FBXO8: variants seen among roughly 807,000 people sequenced by gnomAD.
FBXO8 encodes F-box protein 8.
In FBXO8, 15 loss-of-function variants were observed where a neutral mutation model predicts 33.4. That is an observed-to-expected ratio of 0.45 (90% confidence interval 0.30 to 0.69). FBXO8 has a LOEUF of 0.69. Among genes scored for constraint, FBXO8 ranks in the 30% least tolerant of loss-of-function variants. FBXO8 has a pLI of 0.08. For synonymous variants in FBXO8, 132 were observed against 131.5 expected, an observed-to-expected ratio of 1.00 and a Z score of -0.02; for missense variants, 274 against 380.3, an observed-to-expected ratio of 0.72 and a Z score of 2.32.
chr4:174,252,979 T>C lies in FBXO8; in HGVS notation c.456+6720A>G, dbSNP rs1237671868. On this transcript the variant is annotated intron_variant, in intron 3 of 5. Transcript: ENST00000393674. This position sits in a 1 kb window ranked among gnomAD's most constrained non-coding sequence, Gnocchi z 5.1. ...GAGTGAGCCTCTGTCTCAAGAAAAA[T>C]AAAAAATCTAAAAAATCTTTCTCTA... 6.6e-6 allele frequency among the ~76,000 whole-genome samples: 1 copy of C among 151,756 alleles called. No individual in the cohort carries two copies. The highest frequency in any genetic ancestry group is 1.5e-5 in the Non-Finnish European group (1 of 67,900).
Position 174,263,905 on chromosome 4 carries a change from T to C in FBXO8, c.-8-805A>G, listed in dbSNP as rs1736629134. Among the ~76,000 whole-genome samples, 1 of 152,178 alleles carries C rather than the reference T, an allele frequency of 6.6e-6. No individual in the cohort carries two copies. The highest frequency in any genetic ancestry group is 6.5e-5 in the Admixed American group (1 of 15,274). ...GCATTCTACATTTGTCTGTCACATA[T>C]ATTGACTTCCTCATGTACAAATGTA... On this transcript the variant is annotated intron_variant, in intron 1 of 5. Transcript: ENST00000393674. The surrounding 1 kb of genome is among the most constrained non-coding windows in gnomAD (Gnocchi z 4.2).
Position 174,237,654 on chromosome 4 carries a change from C to A in FBXO8, c.773-55G>T. On this transcript the variant is annotated intron_variant, in intron 5 of 5. Coordinates refer to ENST00000393674, the MANE Select transcript of FBXO8 (RefSeq NM_012180.3). This position sits in a 1 kb window ranked among gnomAD's most constrained non-coding sequence, Gnocchi z 4.4. ...TTAGTTGGTTTACAAAATATGATTCCAATGGCATTATATAAGGCAAAAATG... is the reference window on the plus strand; with the variant it reads ...TTAGTTGGTTTACAAAATATGATTCAAATGGCATTATATAAGGCAAAAATG... 1 of 1,450,018 alleles carries A rather than the reference C, an allele frequency of 6.9e-7. No homozygotes were observed. The highest frequency in any genetic ancestry group is 1.3e-5 in the South Asian group (1 of 76,358). 89.8% of individuals were successfully genotyped at this position (1,450,018 alleles called of 1,614,324 possible).
At chr4:174,250,065 C>T (rs574979143) in intron 3 of FBXO8, among the ~76,000 whole-genome samples, 1 of 152,078 alleles carries the variant, frequency 6.6e-6, no homozygotes, top group Non-Finnish European at 1.5e-5. Context: ...CATAGAGTTA[C>T]AGTTTGGTGA....
chr4:174,237,708 TCATA>T lies in FBXO8; in HGVS notation c.773-113_773-110del. The stretch of plus-strand genomic sequence containing the variant: ...ATAATTTCAAGATATCAAGATTAGC[TCATA>T]AATACAGAGTGACCAATCCATCCCA... On this transcript the variant is annotated intron_variant, in intron 5 of 5. Coordinates refer to ENST00000393674, the MANE Select transcript of FBXO8 (RefSeq NM_012180.3). The surrounding 1 kb of genome is among the most constrained non-coding windows in gnomAD (Gnocchi z 4.4). 1.0e-6 allele frequency: 1 copy of T among 952,484 alleles called. No individual in the cohort carries two copies. The highest frequency in any genetic ancestry group is 1.5e-6 in the Non-Finnish European group (1 of 649,900). The allele number at this position is 952,484 out of a possible 1,614,324, so 59.0% of individuals were successfully genotyped here.
At chr4:174,280,773 G>T (rs1471248057) in intron 1 of FBXO8, among the ~76,000 whole-genome samples, 2 of 152,140 alleles carry the variant, frequency 1.3e-5, no homozygotes, top group Non-Finnish European at 2.9e-5. Flanking sequence ...TTTATATGAG[G>T]TTTTGGTTCT....
In FBXO8 at chr4:174,241,025, G is replaced by A. The variant is rs1736023408; in HGVS notation, c.575+75C>T. The A allele has an allele frequency of 1.2e-6, 1 of 839,048 alleles. No individual in the cohort carries two copies. The highest frequency in any genetic ancestry group is 1.9e-6 in the Non-Finnish European group (1 of 531,478). 52.0% of individuals were successfully genotyped at this position (839,048 alleles called of 1,614,324 possible). A position where few individuals can be genotyped will look rare whatever the true frequency, so the allele number is the denominator to read the frequency against. ...ACCAGATGATTACTATGCAGTATTA[G>A]TTTTAAAGTAAAACTTAACTCATCA... On this transcript the variant is annotated intron_variant, in intron 4 of 5. Coordinates refer to ENST00000393674, the MANE Select transcript of FBXO8 (RefSeq NM_012180.3). The surrounding 1 kb of genome is among the most constrained non-coding windows in gnomAD (Gnocchi z 4.2).
chr4:174,243,604 C>T (rs1292587357), intron 3 of FBXO8, among the ~76,000 whole-genome samples: 3 of 147,970 alleles, frequency 2.0e-5, no homozygotes, highest in Non-Finnish European at 4.5e-5. Context: ...AAAAAAATAC[C>T]ACAGCATGAG....
chr4:174,261,195 A>G lies in FBXO8; in HGVS notation c.330-1370T>C, dbSNP rs1736551575. Reference sequence around the variant, plus strand: ...TCTAGTCCCAATAAAACCCAAAACTAGAGTTTTATTACTAAGCTTTGTGAA... The same window carrying G: ...TCTAGTCCCAATAAAACCCAAAACTGGAGTTTTATTACTAAGCTTTGTGAA... On this transcript the variant is annotated intron_variant, in intron 2 of 5. Transcript: ENST00000393674. The surrounding 1 kb of genome is among the most constrained non-coding windows in gnomAD (Gnocchi z 4.1). Among the ~76,000 whole-genome samples the G allele has an allele frequency of 6.6e-6, 1 of 151,968 alleles. No homozygotes were observed. The highest frequency in any genetic ancestry group is 1.5e-5 in the Non-Finnish European group (1 of 67,840).
intron 3 of FBXO8, among the ~76,000 whole-genome samples, chr4:174,249,881 T>A (rs1560867917): frequency 6.6e-6 from 1 of 151,998 alleles, no homozygotes; most frequent in Non-Finnish European, 1.5e-5. Flanking sequence ...GGGTATCATT[T>A]AAAGCTAGGA....
rs1736873511 is a variant in FBXO8, at chr4:174,272,995, T to C, written c.-8-9895A>G. Among the ~76,000 whole-genome samples, 1 of 152,100 alleles carries C rather than the reference T, an allele frequency of 6.6e-6. No homozygotes were observed. Among genetic ancestry groups the C allele is most frequent in the Non-Finnish European group, 1.5e-5 (1 of 68,016 alleles). The stretch of plus-strand genomic sequence containing the variant: ...GGCAGTCTGTAAAATAACAGAATAT[T>C]TTCCTTCAAAAACACCAATGCCAGG... On this transcript the variant is annotated intron_variant, in intron 1 of 5. Coordinates refer to ENST00000393674, the MANE Select transcript of FBXO8 (RefSeq NM_012180.3). The surrounding 1 kb of genome is among the most constrained non-coding windows in gnomAD (Gnocchi z 4.7).
intron 1 of FBXO8, among the ~76,000 whole-genome samples, chr4:174,282,561 T>C (rs1170570980): frequency 6.6e-6 from 1 of 152,184 alleles, no homozygotes; most frequent in Admixed American, 6.5e-5. Flanking sequence ...ATCATTTTCG[T>C]GAAGGGTAGA....
chr4:174,243,401 T>C (rs1736085407), intron 3 of FBXO8, among the ~76,000 whole-genome samples: 1 of 150,968 alleles, frequency 6.6e-6, no homozygotes, highest in Non-Finnish European at 1.5e-5. Flanking sequence ...GCTACCAAAG[T>C]GAATGGTAAA....
At chr4:174,244,776 G>T (rs1463828536) in intron 3 of FBXO8, among the ~76,000 whole-genome samples, 1 of 151,722 alleles carries the variant, frequency 6.6e-6, no homozygotes, top group Non-Finnish European at 1.5e-5. Flanking sequence ...GATAGTTACA[G>T]TGGGGTAAAT....
In FBXO8 at chr4:174,261,738, CTG is replaced by C. The variant is rs1736568864; in HGVS notation, c.329+1024_329+1025del. Among the ~76,000 whole-genome samples, 1 of 151,952 alleles carries C rather than the reference CTG, an allele frequency of 6.6e-6. No homozygotes were observed. The highest frequency in any genetic ancestry group is 1.5e-5 in the Non-Finnish European group (1 of 67,870). On this transcript the variant is annotated intron_variant, in intron 2 of 5. Coordinates refer to ENST00000393674, the MANE Select transcript of FBXO8 (RefSeq NM_012180.3). This position sits in a 1 kb window ranked among gnomAD's most constrained non-coding sequence, Gnocchi z 4.1. Reference sequence around the variant, plus strand: ...ATGACCTATATAACTTGTACTAGAACTGTGTGACATCAGAAAGCCTAATTTAG... The same window carrying C: ...ATGACCTATATAACTTGTACTAGAACTGTGACATCAGAAAGCCTAATTTAG...
rs1038799578 is a variant in FBXO8 at position 174,267,464 on chromosome 4, T to C, written c.-8-4364A>G. 6.6e-6 allele frequency among the ~76,000 whole-genome samples: 1 copy of C among 152,122 alleles called. No homozygotes were observed. The highest frequency in any genetic ancestry group is 6.5e-5 in the Admixed American group (1 of 15,274). ...CAGGAGTCTGAGGCAGGAAGATCAC[T>C]TGAGCTCAGGAGTTTGAGGTTATAG... is the stretch of plus-strand genomic sequence containing the variant. On this transcript the variant is annotated intron_variant, in intron 1 of 5. Transcript: ENST00000393674. The surrounding 1 kb of genome is among the most constrained non-coding windows in gnomAD (Gnocchi z 4.7).
Position 174,241,020 on chromosome 4 carries a change from T to C in FBXO8, c.575+80A>G. 1 of 752,270 alleles carries C rather than the reference T, an allele frequency of 1.3e-6. No individual in the cohort carries two copies. Among genetic ancestry groups the C allele is most frequent in the Non-Finnish European group, 2.2e-6 (1 of 456,096 alleles). 46.6% of individuals were successfully genotyped at this position (752,270 alleles called of 1,614,324 possible). A position where few individuals can be genotyped will look rare whatever the true frequency, so the allele number is the denominator to read the frequency against. On this transcript the variant is annotated intron_variant, in intron 4 of 5. Transcript: ENST00000393674. This position sits in a 1 kb window ranked among gnomAD's most constrained non-coding sequence, Gnocchi z 4.2. ...TTGCAACCAGATGATTACTATGCAG[T>C]ATTAGTTTTAAAGTAAAACTTAACT...
rs1321574234 is a variant in FBXO8 at position 174,237,151 on chromosome 4, C to A, written c.*261G>T. On this transcript the variant is annotated 3_prime_UTR_variant, in exon 6 of 6. Coordinates refer to ENST00000393674, the MANE Select transcript of FBXO8 (RefSeq NM_012180.3). This position sits in a 1 kb window ranked among gnomAD's most constrained non-coding sequence, Gnocchi z 4.4. ...CTTTTAGAGTATAATGTCAGTTTAT[C>A]ATTCGTTAACAGCTGTGTTAGACAG... 6 of 338,636 alleles carry A rather than the reference C, an allele frequency of 1.8e-5. No homozygotes were observed. Among genetic ancestry groups the A allele is most frequent in the Non-Finnish European group, 1.1e-5 (2 of 184,882 alleles). The allele number at this position is 338,636 out of a possible 1,614,324, so 21.0% of individuals were successfully genotyped here.
chr4:174,238,246 T>C (rs912239147), intron 5 of FBXO8, among the ~76,000 whole-genome samples: 12 of 151,974 alleles, frequency 7.9e-5, no homozygotes, highest in African/African-American at 2.9e-4. Flanking sequence ...CAAGATTTTA[T>C]ATATGCCTAG....
At chr4:174,266,003 T>C (rs1235878286) in intron 1 of FBXO8, among the ~76,000 whole-genome samples, 1 of 152,212 alleles carries the variant, frequency 6.6e-6, no homozygotes, top group Non-Finnish European at 1.5e-5. Flanking sequence ...CTGCAGTATC[T>C]GAAGTCTCAA....
Sources: allele counts gnomAD v4.1 joint callset (sites outside exome capture counted in the v4.1 genomes callset), GRCh38; gene constraint gnomAD v4.1.1; non-coding constraint Gnocchi (gnomAD v3.1); transcripts MANE v1.5; gene names NCBI Gene and HGNC (gene_info 2026-07-23, HGNC 2026-07-21).